TOPBP1: variants seen among roughly 807,000 people sequenced by gnomAD.
TOPBP1 encodes the protein DNA topoisomerase 2-binding protein 1.
A neutral mutation model predicts 167.7 loss-of-function variants in TOPBP1; 28 were observed. The ratio of observed to expected loss-of-function variants is 0.17; its 90% confidence interval spans 0.12 to 0.23. The LOEUF is 0.23. TOPBP1 is among the 10% of genes least tolerant of loss of function. TOPBP1 has a pLI of 1.00. For missense variants in TOPBP1, 1,554 were observed against 1,809.6 expected, an observed-to-expected ratio of 0.86 and a Z score of 2.56; for synonymous variants, 598 against 611.4, an observed-to-expected ratio of 0.98 and a Z score of 0.32.
In TOPBP1 at chr3:133,640,094, G is replaced by T. The variant is rs111425097; in HGVS notation, c.2098C>A (p.Arg700Ser). Residue 700 changes from arginine to serine, a missense_variant, in exon 13 of 28, where the codon CGT (arginine) becomes AGT (serine). Transcript: ENST00000260810. ...GCAGCTTCATATTTAGAGCCACCAC[G>T]TTCTTTCAGTATAAGATGAGTACTG... Reference protein sequence around the residue: ...FASTHLILKERGGSKYEAAKK... With the variant: ...FASTHLILKESGGSKYEAAKK... 1.1e-5 allele frequency: 17 copies of T among 1,613,654 alleles called. No individual in the cohort carries two copies. The African/African-American group carries it at 2.1e-4, about 20-fold the overall frequency.
chr3:133,657,671 T>C lies in TOPBP1; in HGVS notation c.363+127A>G, dbSNP rs114252015. 986 of 627,226 alleles carry C rather than the reference T, an allele frequency of 1.6e-3. 2 individuals are homozygous for C. The highest frequency in any genetic ancestry group is 2.2e-3 in the Non-Finnish European group (897 of 409,310). 38.9% of individuals were successfully genotyped at this position (627,226 alleles called of 1,614,324 possible). ...TACATATATACACACTGTGGTTGTA[T>C]ACTGAACTTTGTTAAAAGTCACGAA... On this transcript the variant is annotated intron_variant, in intron 4 of 27. Transcript: ENST00000260810.
In TOPBP1 at chr3:133,659,050, G is replaced by A. The variant is rs1415014581; in HGVS notation, c.185C>T (p.Pro62Leu). 1 of 1,600,212 alleles carries A rather than the reference G, an allele frequency of 6.2e-7. No individual in the cohort carries two copies. The highest frequency in any genetic ancestry group is 8.5e-7 in the Non-Finnish European group (1 of 1,173,188). The change falls in exon 3 of 28, where the codon CCT becomes CTT. Residue 62 changes from proline to leucine, a missense_variant. Physicochemically the swap from Pro to Leu is moderately conservative, Grantham distance 98. Around this residue, in one of 3 missense-constraint regions of TOPBP1, gnomAD observed 1,197 missense variants for 1,351.5 expected, o/e 0.89. Coordinates refer to ENST00000260810, the MANE Select transcript of TOPBP1 (RefSeq NM_007027.4). Reference protein sequence around the residue: ...ENDRSLYICDPFSGVVFDHLK... With the variant: ...ENDRSLYICDLFSGVVFDHLK... The stretch of plus-strand genomic sequence containing the variant: ...GTGATCAAAGACAACGCCACTAAAA[G>A]GGTCACAGATATAAAGTGATCTATC...
chr3:133,612,362 T>A (rs538956861), intron 24 of TOPBP1, 27 bp downstream of exon 24: 1 of 1,610,598 alleles, frequency 6.2e-7, no homozygotes, highest in East Asian at 2.2e-5. Flanking sequence ...TAAAGAAAAA[T>A]AAACTTCCAC....
rs1184984917 is a variant in TOPBP1, at chr3:133,618,225, T to C, written c.3580A>G (p.Ile1194Val). The stretch of plus-strand genomic sequence containing the variant: ...TCTTTCTTGTTACCCTGTTTAGCAA[T>C]TTCTGAATCATGTAAAGGCTTTTGA... Reference protein sequence around the residue: ...PFQKPLHDSEIAKQAVCDPGN... With the variant: ...PFQKPLHDSEVAKQAVCDPGN... Residue 1194 changes from isoleucine to valine, a missense_variant, in exon 21 of 28, where the codon ATT becomes GTT. By Grantham distance (29) the Ile-to-Val change is conservative. This residue lies in a region of TOPBP1 where 351 missense variants were observed against 432.9 expected (regional missense o/e 0.81). Transcript: ENST00000260810. 1 of 1,613,584 alleles carries C rather than the reference T, an allele frequency of 6.2e-7. No individual in the cohort carries two copies. Among genetic ancestry groups the C allele is most frequent in the South Asian group, 1.1e-5 (1 of 91,064 alleles).
At chr3:133,638,781 C>T (rs762075570) in intron 13 of TOPBP1, among the ~76,000 whole-genome samples, 1 of 152,112 alleles carries the variant, frequency 6.6e-6, no homozygotes, top group Non-Finnish European at 1.5e-5. Context: ...TGCCTTCCAC[C>T]TTTTTTCAAC....
chr3:133,610,614 A>G (rs56292037), intron 25 of TOPBP1, among the ~76,000 whole-genome samples: 20,583 of 150,512 alleles, frequency 0.14, 1,780 homozygotes, highest in Non-Finnish European at 0.2. Context: ...TTCTCAAAGC[A>G]TGATGTAGGC....
At chr3:133,619,111 C>CAAAAAAAAAAAAAAAA (rs71136485) in intron 20 of TOPBP1, among the ~76,000 whole-genome samples, 2 of 103,522 alleles carry the variant, frequency 1.9e-5, no homozygotes, top group Non-Finnish European at 2.0e-5. Context: ...TGTGGAGAAG[C>CAAAAAAAAAAAAAAAA]AAAAAAAAAA....
Position 133,649,561 on chromosome 3 carries a change from A to G in TOPBP1, c.1326T>C (p.Tyr442=), listed in dbSNP as rs750488392. 6.2e-7 allele frequency: 1 copy of G among 1,613,930 alleles called. No individual in the cohort carries two copies. The highest frequency in any genetic ancestry group is 1.7e-5 in the Admixed American group (1 of 60,026). The stretch of plus-strand genomic sequence containing the variant: ...CCACTGGCTGGTAATTAGCATGGAT[A>G]TATGGTTCTTCAGAAAGCATATAAC... ...SKGYMLSEEP[Y]IHANYQPVEI... is the part of the protein sequence containing the mutation. The change falls in exon 10 of 28, where the codon TAT becomes TAC. Residue 442 remains tyrosine (Y), a synonymous_variant. Transcript: ENST00000260810.
chr3:133,633,000 T>C lies in TOPBP1; in HGVS notation c.2521-4267A>G, dbSNP rs368465311. Among the ~76,000 whole-genome samples the C allele has an allele frequency of 5.4e-4, 83 of 152,306 alleles. 1 individual carries two copies. The highest frequency in any genetic ancestry group is 3.4e-3 in the Middle Eastern group (1 of 294). On this transcript the variant is annotated intron_variant, in intron 14 of 27. Transcript: ENST00000260810. ...GTTGCCCAGATTTGTCTTGAAATCC[T>C]GGACTCAAGTGATCCTCCCGTCTTG...
chr3:133,624,006 T>C (rs761459435), intron 17 of TOPBP1, 46 bp downstream of exon 17: 98 of 1,578,524 alleles, frequency 6.2e-5, no homozygotes, highest in African/African-American at 1.5e-4. Context: ...AATGTTTGTA[T>C]ACATTTTCAA....
chr3:133,661,178 G>A, intron 1 of TOPBP1, 44 bp from the exon 2 acceptor site: 1 of 1,442,754 alleles, frequency 6.9e-7, no homozygotes, highest in Non-Finnish European at 9.3e-7. Context: ...AACCACATTA[G>A]ATAAAAAGTT....
Position 133,659,347 on chromosome 3 carries a change from A to C in TOPBP1, c.85-197T>G, listed in dbSNP as rs1936600795. ...ATCTGTTCTCTACACAGCAGCTAAT[A>C]ATCTTTTCAAAAACACAAGTCAGAT... On this transcript the variant is annotated intron_variant, in intron 2 of 27. Coordinates refer to ENST00000260810, the MANE Select transcript of TOPBP1 (RefSeq NM_007027.4). Among the ~76,000 whole-genome samples, 4 of 152,088 alleles carry C rather than the reference A, an allele frequency of 2.6e-5. No individual in the cohort carries two copies. In the South Asian group the frequency reaches 8.3e-4, roughly 32 times the overall value.
chr3:133,653,922 G>A lies in TOPBP1; in HGVS notation c.743-398C>T, dbSNP rs375663509. On this transcript the variant is annotated intron_variant, in intron 6 of 27. Transcript: ENST00000260810. ...GCTGGGATTACAAGCGTGAGCAACC[G>A]CGCCCGGCTATAACAGGTTATTTCA... Among the ~76,000 whole-genome samples, 109 of 152,262 alleles carry A rather than the reference G, an allele frequency of 7.2e-4. 1 individual carries two copies. The highest frequency in any genetic ancestry group is 6.8e-3 in the Middle Eastern group (2 of 294).
intron 16 of TOPBP1, among the ~76,000 whole-genome samples, chr3:133,626,172 T>A (rs889946259): frequency 6.6e-6 from 1 of 152,234 alleles, no homozygotes; most frequent in Non-Finnish European, 1.5e-5. Context: ...AAAGCAGTCA[T>A]AGGCAATTTG....
chr3:133,652,122 C>A, intron 8 of TOPBP1, among the ~76,000 whole-genome samples: 1 of 150,118 alleles, frequency 6.7e-6, no homozygotes. Context: ...AGAGTGAGAC[C>A]CTAACTCAAA....
intron 27 of TOPBP1, among the ~76,000 whole-genome samples, chr3:133,602,472 G>A (rs892046908): frequency 5.9e-5 from 9 of 152,194 alleles, no homozygotes; most frequent in Non-Finnish European, 1.3e-4. Context: ...TGGTATACAT[G>A]AGGGTAATTA....
intron 27 of TOPBP1, among the ~76,000 whole-genome samples, chr3:133,605,484 T>A (rs1422564682): frequency 3.6e-5 from 1 of 27,760 alleles, no homozygotes; most frequent in East Asian, 3.4e-3. Flanking sequence ...ACTTAACATT[T>A]GAAAATGTAA....
rs1934576876 is a variant in TOPBP1 at position 133,608,709 on chromosome 3, CA to C, written c.4264-14del. 6.2e-7 allele frequency: 1 copy of C among 1,612,464 alleles called. No individual in the cohort carries two copies. The highest frequency in any genetic ancestry group is 2.2e-5 in the East Asian group (1 of 44,864). ...GACCAGGTAGCACCTAATGAAAAAA[CA>C]AGGTAGTATCACAATCTACCAGTAT... On this transcript the variant is annotated splice_polypyrimidine_tract_variant and intron_variant, in intron 26 of 27. Transcript: ENST00000260810.
At chr3:133,625,608 G>GT (rs981928157) in intron 16 of TOPBP1, among the ~76,000 whole-genome samples, 13 of 151,978 alleles carry the variant, frequency 8.6e-5, no homozygotes, top group African/African-American at 3.1e-4. Context: ...GCGCATGCCT[G>GT]TAATACCAGC....
Sources: gnomAD v4.1 joint callset for allele counts (sites outside exome capture counted in the v4.1 genomes callset) on GRCh38, gnomAD v4.1.1 for gene constraint, gnomAD v4.1.1 regional missense constraint, MANE v1.5 for transcripts, NCBI Gene and HGNC (gene_info 2026-07-23, HGNC 2026-07-21) for gene names.